The following NEGR1 variants were observed in gnomAD, a reference collection of about 807,000 sequenced individuals.
NEGR1 encodes the protein IgLON family member 4.
NEGR1 carries 10 observed loss-of-function variants against 40.9 expected under a neutral mutation model. That is an observed-to-expected ratio of 0.24 (90% CI 0.15 to 0.42). The LOEUF (loss-of-function observed/expected upper bound fraction) is 0.42, where lower values mean the gene tolerates loss of function less well. Ranked by LOEUF, NEGR1 falls within the 10% of genes least tolerant of loss-of-function variation. The pLI is 1.00. For missense variants in NEGR1, 352 were observed against 438.9 expected, an observed-to-expected ratio of 0.80 and a Z score of 1.77; for synonymous variants, 185 against 166.8, an observed-to-expected ratio of 1.11 and a Z score of -0.84.
At chr1:71,565,614 T>A (rs1017717488) in intron 6 of NEGR1, among the ~76,000 whole-genome samples, 1 of 152,136 alleles carries the variant, frequency 6.6e-6, no homozygotes, top group Non-Finnish European at 1.5e-5. Flanking sequence ...AGCTGACTCT[T>A]CAGTTTCTTC....
intron 2 of NEGR1, among the ~76,000 whole-genome samples, chr1:71,894,095 A>C (rs1482021218): frequency 8.6e-6 from 1 of 116,672 alleles, no homozygotes; most frequent in Non-Finnish European, 1.8e-5. Context: ...GGGGGGAGGG[A>C]TAGCATTGGT....
At chr1:71,738,598 T>C (rs1570278574) in intron 3 of NEGR1, among the ~76,000 whole-genome samples, 1 of 152,068 alleles carries the variant, frequency 6.6e-6, no homozygotes. Flanking sequence ...AACCCTTATA[T>C]GTTGCCCTGC....
intron 3 of NEGR1, among the ~76,000 whole-genome samples, chr1:71,756,868 C>T (rs1557640708): frequency 6.7e-6 from 1 of 150,212 alleles, no homozygotes; most frequent in African/African-American, 2.4e-5. Context: ...ACCTGGCTAA[C>T]AGGAAAGGTG....
At chr1:71,844,126 A>G (rs1005362662) in intron 2 of NEGR1, among the ~76,000 whole-genome samples, 9 of 152,202 alleles carry the variant, frequency 5.9e-5, no homozygotes, top group African/African-American at 2.2e-4. Context: ...ATTTTTAAAA[A>G]TTACCTGCCA....
intron 1 of NEGR1, among the ~76,000 whole-genome samples, chr1:72,069,693 G>A (rs1256256333): frequency 1.3e-5 from 2 of 151,986 alleles, no homozygotes; most frequent in African/African-American, 4.8e-5. Flanking sequence ...AAGGAAATTG[G>A]TATCCAATTA....
chr1:71,449,560 C>T (rs543141318), intron 6 of NEGR1, among the ~76,000 whole-genome samples: 14 of 152,192 alleles, frequency 9.2e-5, no homozygotes, highest in Middle Eastern at 6.8e-3. Flanking sequence ...ACTATAATTT[C>T]GTTTTGACAA....
At chr1:72,217,449 T>C (rs902874683) in intron 1 of NEGR1, among the ~76,000 whole-genome samples, 1 of 151,776 alleles carries the variant, frequency 6.6e-6, no homozygotes, top group Non-Finnish European at 1.5e-5. Flanking sequence ...TAATAATAAG[T>C]AAGGACTTTC....
chr1:72,045,318 A>G (rs1342762799), intron 1 of NEGR1, among the ~76,000 whole-genome samples: 1 of 151,826 alleles, frequency 6.6e-6, no homozygotes, highest in Admixed American at 6.6e-5. Flanking sequence ...AACAAGTTAG[A>G]TAGGTCAGCA....
chr1:72,047,932 C>A (rs1647017697), intron 1 of NEGR1, among the ~76,000 whole-genome samples: 1 of 151,528 alleles, frequency 6.6e-6, no homozygotes, highest in South Asian at 2.1e-4. Flanking sequence ...TTCACTTGCA[C>A]AGAAAGAAAG....
chr1:72,159,704 A>G (rs1428580861), intron 1 of NEGR1, among the ~76,000 whole-genome samples: 2 of 152,104 alleles, frequency 1.3e-5, no homozygotes, highest in East Asian at 3.9e-4. Flanking sequence ...AATATAATTT[A>G]CTTGCTGCTG....
chr1:71,783,840 GTCCA>G (rs376448737), intron 2 of NEGR1, among the ~76,000 whole-genome samples: 63 of 133,706 alleles, frequency 4.7e-4, no homozygotes, highest in African/African-American at 6.2e-4. Context: ...CCATCCACCC[GTCCA>G]TCCATCCATC....
intron 1 of NEGR1, among the ~76,000 whole-genome samples, chr1:72,186,921 G>T (rs547577842): frequency 6.6e-6 from 1 of 151,646 alleles, no homozygotes; most frequent in Admixed American, 6.6e-5. Context: ...AGAGGGAAGT[G>T]ATATCCATAT....
intron 1 of NEGR1, among the ~76,000 whole-genome samples, chr1:72,240,426 G>T (rs568831868): frequency 3.9e-4 from 59 of 151,904 alleles, no homozygotes; most frequent in African/African-American, 1.3e-3. Context: ...CATTTAATGG[G>T]TGCCAAAACT....
chr1:71,725,015 T>G (rs1479346973), intron 3 of NEGR1, among the ~76,000 whole-genome samples: 2 of 152,104 alleles, frequency 1.3e-5, no homozygotes, highest in Non-Finnish European at 2.9e-5. Context: ...GTTTCCTGCC[T>G]CTGAGGAATC....
At chr1:71,531,132 T>C (rs1021225022) in intron 6 of NEGR1, among the ~76,000 whole-genome samples, 2 of 151,304 alleles carry the variant, frequency 1.3e-5, no homozygotes, top group African/African-American at 4.8e-5. Context: ...CATGGAAAGA[T>C]CTTTTGATAT....
At chr1:72,084,563 G>C (rs1648134778) in intron 1 of NEGR1, among the ~76,000 whole-genome samples, 1 of 152,032 alleles carries the variant, frequency 6.6e-6, no homozygotes, top group African/African-American at 2.4e-5. Context: ...AGTTCCATGA[G>C]GGCTGGGATT....
chr1:71,688,325 T>TAGATAGATAG (rs1553158603), intron 4 of NEGR1, among the ~76,000 whole-genome samples: 13 of 103,208 alleles, frequency 1.3e-4, no homozygotes, highest in African/African-American at 4.9e-4. Flanking sequence ...TATATATATA[T>TAGATAGATAG]ATAGATAGAT....
chr1:71,913,049 A>C (rs1661464284), intron 2 of NEGR1, among the ~76,000 whole-genome samples: 1 of 152,162 alleles, frequency 6.6e-6, no homozygotes. Flanking sequence ...AATATATCCT[A>C]AATTCATGTT....
intron 4 of NEGR1, among the ~76,000 whole-genome samples, chr1:71,671,893 C>CTTTTTTTTTTTTTTTTTTT: frequency 8.2e-6 from 1 of 121,582 alleles, no homozygotes; most frequent in Non-Finnish European, 1.7e-5. Flanking sequence ...CTCTCTCTCT[C>CTTTTTTTTTTTTTTTTTTT]TTTTTTTTTT....
Sources: gnomAD v4.1 joint callset for allele counts (sites outside exome capture counted in the v4.1 genomes callset) on GRCh38, gnomAD v4.1.1 for gene constraint, MANE v1.5 for transcripts, NCBI Gene and HGNC (gene_info 2026-07-23, HGNC 2026-07-21) for gene names.